EVC2: variants seen among roughly 807,000 people sequenced by gnomAD.
EVC2 encodes EvC ciliary complex subunit 2, also known as limbin.
Under a neutral mutation model 149.3 loss-of-function variants are expected in EVC2, and 148 were observed. The observed-to-expected ratio is 0.99, with a 90% CI of 0.87 to 1.14. The LOEUF (loss-of-function observed/expected upper bound fraction) is 1.14. Among genes scored for constraint, EVC2 ranks in the 50% most tolerant of loss-of-function variants. The probability of loss-of-function intolerance (pLI) is 0.00; values close to 1 mark genes in which losing one functional copy is unlikely to be tolerated. For missense variants in EVC2, 1,854 were observed against 1,627.3 expected (o/e 1.14, Z -2.40); for synonymous variants, 776 against 649.9 (o/e 1.19, Z -2.95).
intron 21 of EVC2, among the ~76,000 whole-genome samples, chr4:5,544,370 A>G (rs1299590273): frequency 6.6e-6 from 1 of 152,212 alleles, no homozygotes; most frequent in Non-Finnish European, 1.5e-5. Flanking sequence ...CTGAGATTCA[A>G]ATTTATTTTC....
intron 7 of EVC2, among the ~76,000 whole-genome samples, chr4:5,673,646 C>A (rs1719808454): frequency 6.6e-6 from 1 of 152,210 alleles, no homozygotes; most frequent in African/African-American, 2.4e-5. Flanking sequence ...CACATATTAG[C>A]AGGAGCAGAT....
At chr4:5,540,903 C>A (rs16837406), downstream of EVC2, among the ~76,000 whole-genome samples, 8,490 of 152,166 alleles carry the variant, frequency 0.056, 779 homozygotes, top group African/African-American at 0.19. Flanking sequence ...AACGTGGACA[C>A]CATCTACTGC....
At chr4:5,652,725 T>C (rs1000768392) in intron 9 of EVC2, among the ~76,000 whole-genome samples, 1 of 152,138 alleles carries the variant, frequency 6.6e-6, no homozygotes, top group East Asian at 1.9e-4. Flanking sequence ...GGATGCATCA[T>C]TGGGGTACTC....
rs867040359 is a variant in EVC2, at chr4:5,696,054, G to T, written c.283+1539C>A. ...GCCCTCGCCATGGAAACAAGTGGGTGCTCCACCAGGTGAGCGGCTGATTCA... is the reference window on the plus strand; with the variant it reads ...GCCCTCGCCATGGAAACAAGTGGGTTCTCCACCAGGTGAGCGGCTGATTCA... On this transcript the variant is annotated intron_variant, in intron 2 of 21. Coordinates refer to ENST00000344408, the MANE Select transcript of EVC2 (RefSeq NM_147127.5). The surrounding 1 kb of genome is among the most constrained non-coding windows in gnomAD (Gnocchi z 4.1). Among the ~76,000 whole-genome samples, 2 of 152,292 alleles carry T rather than the reference G, an allele frequency of 1.3e-5. No individual in the cohort carries two copies. The highest frequency in any genetic ancestry group is 3.4e-3 in the Middle Eastern group (1 of 294).
chr4:5,610,441 G>A (rs1560162408), intron 16 of EVC2, among the ~76,000 whole-genome samples: 1 of 152,154 alleles, frequency 6.6e-6, no homozygotes, highest in Non-Finnish European at 1.5e-5. Flanking sequence ...AATCACCCTT[G>A]GAAACACCTT....
rs137852926 is a variant in EVC2, at chr4:5,681,282, A to C, written c.848T>G (p.Ile283Arg). Residue 283 changes from isoleucine to arginine, a missense_variant, in exon 7 of 22, where the codon ATA becomes AGA. Physicochemically the swap from Ile to Arg is moderately conservative, Grantham distance 97. Transcript: ENST00000344408. ...NRTQLKVLFS[I>R]TAEENVTVLP... ...TACCGTTACGTTTTCTTCTGCTGTT[A>C]TGGAAAAAAGCACTTTCAGCTGTGT... 3.1e-6 allele frequency: 5 copies of C among 1,614,218 alleles called. No homozygotes were observed. The South Asian group carries it at 5.5e-5, about 18-fold the overall frequency.
In EVC2 at chr4:5,640,563, A is replaced by ATC; in HGVS notation, c.1419_1420dup (p.Met474ArgfsTer2). 1 of 1,614,100 alleles carries ATC rather than the reference A, an allele frequency of 6.2e-7. No individual in the cohort carries two copies. Among genetic ancestry groups the ATC allele is most frequent in the South Asian group, 1.1e-5 (1 of 91,070 alleles). ...CTCTTCTGCTTCCTCCATTGCCATC[A>ATC]TCTCTCTCTGGTACTGGTTTTCCAT... On this transcript the variant is annotated frameshift_variant, in exon 10 of 22. Transcript: ENST00000344408. LOFTEE classifies it high-confidence loss of function. This position sits in a 1 kb window ranked among gnomAD's most constrained non-coding sequence, Gnocchi z 4.6.
the EVC2 span, among the ~76,000 whole-genome samples, chr4:5,534,423 G>T: frequency 6.6e-6 from 1 of 152,128 alleles, no homozygotes; most frequent in Non-Finnish European, 1.5e-5. Context: ...ATCATATAAA[G>T]GTGAGAGACT....
At chr4:5,706,757 C>T (rs73200133) in intron 1 of EVC2, among the ~76,000 whole-genome samples, 2 of 152,012 alleles carry the variant, frequency 1.3e-5, no homozygotes, top group Non-Finnish European at 2.9e-5. Flanking sequence ...CGGAAGAAGG[C>T]TGGTCCCATC....
intron 9 of EVC2, among the ~76,000 whole-genome samples, chr4:5,659,516 G>C (rs1718744522): frequency 6.6e-6 from 1 of 152,114 alleles, no homozygotes; most frequent in African/African-American, 2.4e-5. Context: ...GAGGATGGGA[G>C]GCTGGGGGAG....
chr4:5,644,941 G>C (rs1388510234), intron 9 of EVC2, among the ~76,000 whole-genome samples: 1 of 152,092 alleles, frequency 6.6e-6, no homozygotes, highest in African/African-American at 2.4e-5. Context: ...GGGCACTTAG[G>C]TTGATTTCAC....
At chr4:5,700,544 A>G (rs1721759260) in intron 1 of EVC2, among the ~76,000 whole-genome samples, 1 of 152,118 alleles carries the variant, frequency 6.6e-6, no homozygotes, top group South Asian at 2.1e-4. Flanking sequence ...GCCACTCAGG[A>G]GGAAGGGGCA....
At chr4:5,592,218 C>G (rs1296484681) in intron 16 of EVC2, among the ~76,000 whole-genome samples, 1 of 152,174 alleles carries the variant, frequency 6.6e-6, no homozygotes, top group Non-Finnish European at 1.5e-5. Flanking sequence ...GCCTCCTTAC[C>G]AAATTCATCA....
chr4:5,655,170 C>A (rs541664774), intron 9 of EVC2, among the ~76,000 whole-genome samples: 1 of 152,278 alleles, frequency 6.6e-6, no homozygotes, highest in South Asian at 2.1e-4. Flanking sequence ...GACCCCTTTA[C>A]AAACCCCATA....
At chr4:5,693,586 C>A (rs1278616593) in intron 3 of EVC2, among the ~76,000 whole-genome samples, 1 of 152,260 alleles carries the variant, frequency 6.6e-6, no homozygotes, top group African/African-American at 2.4e-5. Context: ...GGCTTCCAGA[C>A]TTCTAACCTC....
Position 5,665,633 on chromosome 4 carries a change from C to G in EVC2, c.887G>C (p.Gly296Ala), listed in dbSNP as rs201083070. The G allele has an allele frequency of 9.9e-5, 159 of 1,614,184 alleles. No individual in the cohort carries two copies. In the Admixed American group the frequency reaches 2.6e-3, roughly 26 times the overall value. ...AATGAAGAACCCTGCTGCGTGGAGGCCGTGGTGCGGCAGAACCTGTGGAGA... is the reference window on the plus strand; with the variant it reads ...AATGAAGAACCCTGCTGCGTGGAGGGCGTGGTGCGGCAGAACCTGTGGAGA... ...EENVTVLPHH[G>A]LHAAGFFIAF... Residue 296 changes from glycine to alanine, a missense_variant, in exon 8 of 22, where the codon GGC becomes GCC. By Grantham distance (60) the Gly-to-Ala change is moderately conservative. Transcript: ENST00000344408.
chr4:5,674,263 C>T lies in EVC2; in HGVS notation c.870+6997G>A, dbSNP rs936997021. 2.0e-5 allele frequency among the ~76,000 whole-genome samples: 3 copies of T among 152,148 alleles called. No individual in the cohort carries two copies. The East Asian group carries it at 5.8e-4, about 29-fold the overall frequency. On this transcript the variant is annotated intron_variant, in intron 7 of 21. Coordinates refer to ENST00000344408, the MANE Select transcript of EVC2 (RefSeq NM_147127.5). ...GAGACAATCACACTTACCAACGCAG[C>T]TTTGCTAATTTCCCAATCTAGCAAA... is the stretch of plus-strand genomic sequence containing the variant.
intron 14 of EVC2, among the ~76,000 whole-genome samples, chr4:5,619,912 A>G (rs1715556685): frequency 6.6e-6 from 1 of 152,246 alleles, no homozygotes; most frequent in Non-Finnish European, 1.5e-5. Context: ...CAATGCAGCC[A>G]GCATTGACCG....
rs1366422483 is a variant in EVC2, at chr4:5,689,056, G to GT, written c.706+100dup. On this transcript the variant is annotated intron_variant, in intron 5 of 21. Coordinates refer to ENST00000344408, the MANE Select transcript of EVC2 (RefSeq NM_147127.5). ...GTGAGGATTAGGAGAGTGAACATGT[G>GT]TAAGGCTTTAAGAACATGCCTGACC... is the stretch of plus-strand genomic sequence containing the variant. The GT allele has an allele frequency of 3.0e-6, 4 of 1,314,956 alleles. No homozygotes were observed. The East Asian group carries it at 9.3e-5, about 31-fold the overall frequency. The allele number at this position is 1,314,956 out of a possible 1,614,324, so 81.5% of individuals were successfully genotyped here.
Sources: gnomAD v4.1 joint callset for allele counts (sites outside exome capture counted in the v4.1 genomes callset) on GRCh38, gnomAD v4.1.1 for gene constraint, Gnocchi (gnomAD v3.1) non-coding constraint, MANE v1.5 for transcripts, NCBI Gene and HGNC (gene_info 2026-07-23, HGNC 2026-07-21) for gene names.